HECW1: variants seen among roughly 807,000 people sequenced by gnomAD.
The protein encoded by HECW1 is HECT, C2 and WW domain containing E3 ubiquitin protein ligase 1, also known as E3 ubiquitin-protein ligase HECW1.
A neutral mutation model predicts 182.3 loss-of-function variants in HECW1; 61 were observed. That is an observed-to-expected ratio of 0.33 (90% CI 0.27 to 0.41). HECW1 has a LOEUF of 0.41. Ranked by LOEUF, HECW1 falls within the 10% of genes least tolerant of loss-of-function variation. HECW1 has a pLI of 1.00. For synonymous variants in HECW1, 859 were observed against 832.6 expected (o/e 1.03, Z -0.55); for missense variants, 1,739 against 2,108.9 (o/e 0.82, Z 3.44).
At chr7:43,276,247 G>A (rs1002133273) in intron 3 of HECW1, among the ~76,000 whole-genome samples, 3 of 152,116 alleles carry the variant, frequency 2.0e-5, no homozygotes, top group African/African-American at 7.2e-5. Flanking sequence ...CTGTTCTTTA[G>A]AGTTACTAAA....
At chr7:43,382,024 G>A (rs958187276) in intron 6 of HECW1, among the ~76,000 whole-genome samples, 13 of 151,996 alleles carry the variant, frequency 8.6e-5, no homozygotes, top group East Asian at 1.9e-4. Context: ...AGCCCCTCAC[G>A]CCTGTAGTCC....
At chr7:43,481,536 A>G (rs1281449290) in intron 17 of HECW1, among the ~76,000 whole-genome samples, 1 of 152,242 alleles carries the variant, frequency 6.6e-6, no homozygotes, top group Non-Finnish European at 1.5e-5. Context: ...TAACTGAAAG[A>G]ACAAGACTGA....
At chr7:43,251,683 C>G (rs527913268) in intron 3 of HECW1, among the ~76,000 whole-genome samples, 1 of 152,284 alleles carries the variant, frequency 6.6e-6, no homozygotes, top group Non-Finnish European at 1.5e-5. Context: ...TTTGGAGTTA[C>G]GGGTTCATTA....
At chr7:43,554,528 T>C in intron 28 of HECW1, 64 bp from the exon 29 acceptor site, 1 of 1,398,284 alleles carries the variant, frequency 7.2e-7, no homozygotes. Flanking sequence ...GATCTCTCTC[T>C]CCCTCCTCAC....
At chr7:43,517,558 C>A (rs1212223662) in intron 24 of HECW1, among the ~76,000 whole-genome samples, 1 of 152,110 alleles carries the variant, frequency 6.6e-6, no homozygotes, top group Non-Finnish European at 1.5e-5. Flanking sequence ...TTTTAAATAT[C>A]CCTTGCTACA....
chr7:43,219,120 C>G (rs1484758454), intron 2 of HECW1, among the ~76,000 whole-genome samples: 2 of 151,826 alleles, frequency 1.3e-5, no homozygotes, highest in African/African-American at 4.8e-5. Flanking sequence ...TATGCAAATA[C>G]AGGGCGCCAT....
chr7:43,268,195 C>T (rs552660294), intron 3 of HECW1, among the ~76,000 whole-genome samples: 4 of 152,328 alleles, frequency 2.6e-5, no homozygotes, highest in Non-Finnish European at 4.4e-5. Context: ...GTTACTTTCT[C>T]CTCGGGGAAA....
At chr7:43,495,540 T>C (rs2079086786) in intron 19 of HECW1, among the ~76,000 whole-genome samples, 1 of 152,232 alleles carries the variant, frequency 6.6e-6, no homozygotes, top group African/African-American at 2.4e-5. Flanking sequence ...GCCTTTCTCT[T>C]CCTTGTCTTT....
chr7:43,452,773 T>G (rs895245470), intron 12 of HECW1, among the ~76,000 whole-genome samples: 2 of 152,130 alleles, frequency 1.3e-5, no homozygotes, highest in Non-Finnish European at 2.9e-5. Flanking sequence ...GGGTGGCTGG[T>G]TTGCAGTTTT....
chr7:43,525,919 A>C (rs1008809417), intron 24 of HECW1, among the ~76,000 whole-genome samples: 1 of 152,208 alleles, frequency 6.6e-6, no homozygotes, highest in African/African-American at 2.4e-5. Flanking sequence ...TGTCCCTACT[A>C]TCCAGACTTC....
At chr7:43,381,826 T>C (rs977520390) in intron 6 of HECW1, among the ~76,000 whole-genome samples, 7 of 152,068 alleles carry the variant, frequency 4.6e-5, no homozygotes, top group African/African-American at 1.7e-4. Flanking sequence ...ACCTGGCTGA[T>C]AATTTTTTAA....
chr7:43,215,595 T>C (rs1464147472), intron 2 of HECW1, among the ~76,000 whole-genome samples: 1 of 152,230 alleles, frequency 6.6e-6, no homozygotes, highest in East Asian at 1.9e-4. Flanking sequence ...TCTATCCTAG[T>C]TGCTTTGCAG....
chr7:43,263,494 G>A (rs1267191087), intron 3 of HECW1, among the ~76,000 whole-genome samples: 1 of 152,142 alleles, frequency 6.6e-6, no homozygotes, highest in Admixed American at 6.5e-5. Context: ...CCGAGTAGCT[G>A]GGACTACAGG....
intron 9 of HECW1, among the ~76,000 whole-genome samples, chr7:43,441,952 T>A (rs2076901471): frequency 6.6e-6 from 1 of 152,240 alleles, no homozygotes; most frequent in South Asian, 2.1e-4. Flanking sequence ...CATTTTTTGC[T>A]TTACAATGAA....
At chr7:43,423,982 G>A (rs2076276443) in intron 8 of HECW1, among the ~76,000 whole-genome samples, 1 of 152,176 alleles carries the variant, frequency 6.6e-6, no homozygotes, top group Admixed American at 6.5e-5. Context: ...AGAGCCAAAG[G>A]AGTATCTAGA....
chr7:43,492,921 C>T (rs1317850592), intron 18 of HECW1, among the ~76,000 whole-genome samples, 163 bp from the exon 19 acceptor site: 1 of 152,128 alleles, frequency 6.6e-6, no homozygotes, highest in African/African-American at 2.4e-5. Flanking sequence ...GTTATTATGT[C>T]ATATTTTAAA....
intron 2 of HECW1, among the ~76,000 whole-genome samples, chr7:43,183,236 C>A (rs1314924059): frequency 6.6e-6 from 1 of 152,260 alleles, no homozygotes; most frequent in East Asian, 1.9e-4. Context: ...TCTCATAAAC[C>A]TTTCCCCTGT....
rs116016393 is a variant in HECW1, at chr7:43,526,706, G to A, written c.4020-14457G>A. Among the ~76,000 whole-genome samples the A allele has an allele frequency of 7.3e-3, 1,119 of 152,314 alleles. 14 individuals are homozygous for A. The highest frequency in any genetic ancestry group is 0.026 in the African/African-American group (1,071 of 41,556). ...ACCTTCCTGTATTATCCAGTTAGAT[G>A]AAGATATAGCAGGGCCAGGTGCAGT... On this transcript the variant is annotated intron_variant, in intron 24 of 29. Coordinates refer to ENST00000395891, the MANE Select transcript of HECW1 (RefSeq NM_015052.5).
At chr7:43,447,453 T>C (rs1222206717) in intron 11 of HECW1, among the ~76,000 whole-genome samples, 1 of 152,176 alleles carries the variant, frequency 6.6e-6, no homozygotes, top group East Asian at 1.9e-4. Flanking sequence ...AAGAAATATC[T>C]AAGTTCCTGA....
Sources: allele counts gnomAD v4.1 joint callset (sites outside exome capture counted in the v4.1 genomes callset), GRCh38; gene constraint gnomAD v4.1.1; transcripts MANE v1.5; gene names NCBI Gene and HGNC (gene_info 2026-07-23, HGNC 2026-07-21).